PDE7B: variants seen among roughly 807,000 people sequenced by gnomAD.
PDE7B encodes phosphodiesterase 7B, also known as 3',5'-cyclic-AMP phosphodiesterase 7B.
A neutral mutation model predicts 56.2 loss-of-function variants in PDE7B; 29 were observed. The ratio of observed to expected loss-of-function variants is 0.52; its 90% confidence interval spans 0.38 to 0.70. The LOEUF (loss-of-function observed/expected upper bound fraction) is 0.70, where lower values mean the gene tolerates loss of function less well. Ranked by LOEUF, PDE7B falls within the 30% of genes least tolerant of loss-of-function variation. The probability of loss-of-function intolerance (pLI) is 0.00; values close to 1 mark genes in which losing one functional copy is unlikely to be tolerated. For missense variants in PDE7B, 490 were observed against 565.0 expected, an observed-to-expected ratio of 0.87 and a Z score of 1.35; for synonymous variants, 197 against 196.9, an observed-to-expected ratio of 1.00 and a Z score of 0.00.
At chr6:136,155,156 A>C (rs886897446) in intron 7 of PDE7B, among the ~76,000 whole-genome samples, 5 of 152,252 alleles carry the variant, frequency 3.3e-5, no homozygotes, top group Non-Finnish European at 7.3e-5. Flanking sequence ...AAAAATGCAG[A>C]TCTTGCAAGT....
intron 1 of PDE7B, among the ~76,000 whole-genome samples, chr6:135,875,985 CAA>C (rs935640699): frequency 5.3e-5 from 8 of 152,010 alleles, no homozygotes; most frequent in African/African-American, 7.2e-5. Context: ...AAATTAGAAA[CAA>C]GAGATTTGGG....
At chr6:136,018,139 A>G (rs1776009985) in intron 2 of PDE7B, among the ~76,000 whole-genome samples, 1 of 152,194 alleles carries the variant, frequency 6.6e-6, no homozygotes, top group African/African-American at 2.4e-5. Context: ...GGGACAAATC[A>G]TTTGAATCTC....
At chr6:135,955,928 A>T (rs771515054) in intron 2 of PDE7B, among the ~76,000 whole-genome samples, 1 of 152,172 alleles carries the variant, frequency 6.6e-6, no homozygotes, top group Non-Finnish European at 1.5e-5. Flanking sequence ...AATTTTAGAC[A>T]CAGTAAATCT....
At chr6:136,099,861 T>C (rs1777532411) in intron 2 of PDE7B, among the ~76,000 whole-genome samples, 1 of 152,262 alleles carries the variant, frequency 6.6e-6, no homozygotes, top group East Asian at 1.9e-4. Flanking sequence ...GCATGTGTCC[T>C]AAATGGTATT....
chr6:136,161,257 C>T (rs762175986), intron 8 of PDE7B, among the ~76,000 whole-genome samples: 48 of 152,132 alleles, frequency 3.2e-4, no homozygotes, highest in Admixed American at 7.2e-4. Flanking sequence ...TTCCAGTACT[C>T]TCTTACTTCC....
At chr6:135,933,451 C>T (rs934702406) in intron 1 of PDE7B, among the ~76,000 whole-genome samples, 16 of 152,326 alleles carry the variant, frequency 1.1e-4, no homozygotes, top group African/African-American at 3.8e-4. Flanking sequence ...ATTTACTGGG[C>T]ACCTGCTTTA....
chr6:136,036,022 T>C (rs1776321202), intron 2 of PDE7B, among the ~76,000 whole-genome samples: 1 of 152,242 alleles, frequency 6.6e-6, no homozygotes, highest in African/African-American at 2.4e-5. Flanking sequence ...TCTTCAGTTG[T>C]TATGTCAAGG....
At chr6:135,932,054 C>T (rs955867032) in intron 1 of PDE7B, among the ~76,000 whole-genome samples, 2 of 151,566 alleles carry the variant, frequency 1.3e-5, no homozygotes, top group African/African-American at 4.9e-5. Flanking sequence ...GGATTCAGGC[C>T]CTAAGGACCT....
At chr6:136,189,631 GA>G (rs1779190798) in intron 12 of PDE7B, among the ~76,000 whole-genome samples, 1 of 152,236 alleles carries the variant, frequency 6.6e-6, no homozygotes, top group Admixed American at 6.5e-5. Context: ...TCTAATTGGT[GA>G]AATCTATAGA....
chr6:136,055,015 G>C (rs1236188540), intron 2 of PDE7B, among the ~76,000 whole-genome samples: 1 of 152,202 alleles, frequency 6.6e-6, no homozygotes. Context: ...AATTCAAGGT[G>C]AGAGCCAAAC....
Position 135,920,043 on chromosome 6 carries a change from A to G in PDE7B, c.22-27421A>G, listed in dbSNP as rs115832826. Among the ~76,000 whole-genome samples, 715 of 152,338 alleles carry G rather than the reference A, an allele frequency of 4.7e-3. 9 individuals carry two copies. Among genetic ancestry groups the G allele is most frequent in the African/African-American group, 0.016 (685 of 41,590 alleles). On this transcript the variant is annotated intron_variant, in intron 1 of 12. Transcript: ENST00000308191. ...AGGTCTCCTGACCCTAAAAGGTTATATTCTTGTCTTAAGTATCCTAGATAA... is the reference window on the plus strand; with the variant it reads ...AGGTCTCCTGACCCTAAAAGGTTATGTTCTTGTCTTAAGTATCCTAGATAA...
intron 1 of PDE7B, among the ~76,000 whole-genome samples, chr6:135,934,230 A>G (rs1774348082): frequency 6.6e-6 from 1 of 152,150 alleles, no homozygotes; most frequent in Non-Finnish European, 1.5e-5. Flanking sequence ...ATAATCCCCA[A>G]GTGACCTTTA....
chr6:136,101,723 T>C (rs1219575308), intron 2 of PDE7B, among the ~76,000 whole-genome samples: 2 of 152,170 alleles, frequency 1.3e-5, no homozygotes, highest in Non-Finnish European at 2.9e-5. Context: ...ACCTAAATGT[T>C]CTACCAAACT....
chr6:136,158,790 G>C (rs1227027931), intron 8 of PDE7B, among the ~76,000 whole-genome samples: 1 of 152,162 alleles, frequency 6.6e-6, no homozygotes, highest in African/African-American at 2.4e-5. Flanking sequence ...GGTGGACTGG[G>C]AGGAAAAACA....
chr6:136,046,369 G>A (rs1016988115), intron 2 of PDE7B: 1 of 152,156 alleles, frequency 6.6e-6, no homozygotes, highest in East Asian at 1.9e-4. Flanking sequence ...TTATCCTCTT[G>A]AGCCCACCCT....
intron 3 of PDE7B, among the ~76,000 whole-genome samples, chr6:136,140,529 GCA>G (rs1778304000): frequency 6.6e-6 from 1 of 152,102 alleles, no homozygotes; most frequent in African/African-American, 2.4e-5. Flanking sequence ...TAGCTTGATG[GCA>G]ATGGCATTGA....
At chr6:135,985,472 G>A (rs1237466659) in intron 2 of PDE7B, among the ~76,000 whole-genome samples, 1 of 152,206 alleles carries the variant, frequency 6.6e-6, no homozygotes, top group Non-Finnish European at 1.5e-5. Context: ...AGAGGAGGCT[G>A]AGGAGGAGCA....
intron 1 of PDE7B, among the ~76,000 whole-genome samples, chr6:135,936,369 A>G (rs1010263916): frequency 2.0e-5 from 3 of 152,222 alleles, no homozygotes; most frequent in African/African-American, 7.2e-5. Context: ...GTAGGGTCTT[A>G]TAAAGTAGCT....
chr6:135,894,552 T>C (rs1053563780), intron 1 of PDE7B, among the ~76,000 whole-genome samples: 1 of 152,100 alleles, frequency 6.6e-6, no homozygotes, highest in African/African-American at 2.4e-5. Flanking sequence ...GACAGAAACA[T>C]GAGGCAAATG....
Sources: gnomAD v4.1 joint callset for allele counts (sites outside exome capture counted in the v4.1 genomes callset) on GRCh38, gnomAD v4.1.1 for gene constraint, MANE v1.5 for transcripts, NCBI Gene and HGNC (gene_info 2026-07-23, HGNC 2026-07-21) for gene names.